EEA1: variants seen among roughly 807,000 people sequenced by gnomAD.
The protein encoded by EEA1 is early endosome antigen 1, 162kD.
A neutral mutation model predicts 209.2 loss-of-function variants in EEA1; 111 were observed. The observed-to-expected ratio is 0.53, with a 90% CI of 0.45 to 0.62. The LOEUF (loss-of-function observed/expected upper bound fraction) is 0.62. Ranked by LOEUF, EEA1 falls within the 20% of genes least tolerant of loss-of-function variation. The pLI, the probability that EEA1 is intolerant of heterozygous loss-of-function variation, is 0.00. For missense variants in EEA1, 1,343 were observed against 1,530.8 expected (o/e 0.88, Z 2.05); for synonymous variants, 536 against 540.6 (o/e 0.99, Z 0.12).
intron 3 of EEA1, chr12:92,858,810 C>T: frequency 1.3e-6 from 1 of 775,578 alleles, no homozygotes; most frequent in Non-Finnish European, 2.3e-6. Context: ...ATACAATCTA[C>T]CACCTATAGC....
chr12:92,862,332 A>C (rs570971621), intron 3 of EEA1, among the ~76,000 whole-genome samples: 2 of 152,230 alleles, frequency 1.3e-5, no homozygotes, highest in Non-Finnish European at 2.9e-5. Context: ...GCAGTGACTC[A>C]GGCCTGCAAT....
At chr12:92,874,397 G>C (rs912235072) in intron 2 of EEA1, among the ~76,000 whole-genome samples, 1 of 152,182 alleles carries the variant, frequency 6.6e-6, no homozygotes, top group Non-Finnish European at 1.5e-5. Context: ...ACAGAGTCTC[G>C]CTCTGTCACC....
At chr12:92,816,784 T>C (rs1875808078) in intron 14 of EEA1, among the ~76,000 whole-genome samples, 1 of 145,930 alleles carries the variant, frequency 6.9e-6, no homozygotes, top group Non-Finnish European at 1.5e-5. Flanking sequence ...TCCCATCCCA[T>C]CTCTAACTCC....
At chr12:92,892,908 G>A (rs1879713761) in intron 1 of EEA1, among the ~76,000 whole-genome samples, 1 of 152,150 alleles carries the variant, frequency 6.6e-6, no homozygotes, top group Admixed American at 6.5e-5. Context: ...GTGATTACAG[G>A]CATGAGCCAC....
At chr12:92,874,472 T>C (rs1442219437) in intron 2 of EEA1, among the ~76,000 whole-genome samples, 1 of 152,222 alleles carries the variant, frequency 6.6e-6, no homozygotes, top group African/African-American at 2.4e-5. Context: ...TTCAAGCGAT[T>C]CTCCTGCCTC....
At chr12:92,924,273 T>A (rs1282070292) in intron 1 of EEA1, among the ~76,000 whole-genome samples, 1 of 136,652 alleles carries the variant, frequency 7.3e-6, no homozygotes, top group South Asian at 2.5e-4. Flanking sequence ...AATGGCACAA[T>A]CTCGGCTCAC....
chr12:92,812,978 A>G lies in EEA1; in HGVS notation c.2043+2T>C. On this transcript the variant is annotated splice_donor_variant, in intron 16 of 28. Transcript: ENST00000322349. LOFTEE classifies it high-confidence loss of function. ...AGTATGAAATTGCATCTGTTTCCCTACCTGCTGTTTATCTTGTAATGCATT... is the reference window on the plus strand; with the variant it reads ...AGTATGAAATTGCATCTGTTTCCCTGCCTGCTGTTTATCTTGTAATGCATT... 7 of 1,562,134 alleles carry G rather than the reference A, an allele frequency of 4.5e-6. No homozygotes were observed. The highest frequency in any genetic ancestry group is 6.1e-6 in the Non-Finnish European group (7 of 1,145,746).
At chr12:92,799,766 A>C (rs890660436) in intron 20 of EEA1, among the ~76,000 whole-genome samples, 1 of 151,008 alleles carries the variant, frequency 6.6e-6, no homozygotes, top group African/African-American at 2.4e-5. Context: ...CAGCCTGGGC[A>C]ACAGAGCAAG....
intron 6 of EEA1, 52 bp from the exon 7 acceptor site, chr12:92,853,077 A>G (rs1877709380): frequency 1.8e-6 from 2 of 1,138,578 alleles, no homozygotes; most frequent in Non-Finnish European, 2.6e-6. Context: ...ACATATGCTA[A>G]ATTGTTATTA....
intron 1 of EEA1, among the ~76,000 whole-genome samples, chr12:92,896,405 G>A (rs965053861): frequency 6.6e-6 from 1 of 152,154 alleles, no homozygotes; most frequent in East Asian, 1.9e-4. Flanking sequence ...TGACAACAAA[G>A]AATTTAGAAT....
intron 11 of EEA1, among the ~76,000 whole-genome samples, chr12:92,830,932 G>A (rs1876597068): frequency 6.6e-6 from 1 of 152,214 alleles, no homozygotes; most frequent in African/African-American, 2.4e-5. Context: ...TGGTTTAAGA[G>A]TGAGACAAGG....
At chr12:92,829,132 G>C (rs535128194) in intron 11 of EEA1, among the ~76,000 whole-genome samples, 19 of 152,170 alleles carry the variant, frequency 1.2e-4, no homozygotes, top group Admixed American at 1.2e-3. Flanking sequence ...AGTAAATGAG[G>C]GATGTGTCTT....
In EEA1 at chr12:92,929,239, G is replaced by A. The variant is rs1481006707; in HGVS notation, c.-173C>T. The A allele has an allele frequency of 1.7e-5, 9 of 540,380 alleles. No individual in the cohort carries two copies. Among genetic ancestry groups the A allele is most frequent in the Non-Finnish European group, 2.8e-5 (9 of 319,416 alleles). 33.5% of individuals were successfully genotyped at this position (540,380 alleles called of 1,614,324 possible). A position where few individuals can be genotyped will look rare whatever the true frequency, so the allele number is the denominator to read the frequency against. ...CGGCCCCGACTTCCCCACAGGCGGC[G>A]AGAGGGAGCACGCGAGAGAGAGCGA... On this transcript the variant is annotated 5_prime_UTR_variant, in exon 1 of 29. Transcript: ENST00000322349.
At chr12:92,828,773 C>T (rs1420717774) in intron 11 of EEA1, among the ~76,000 whole-genome samples, 1 of 152,080 alleles carries the variant, frequency 6.6e-6, no homozygotes, top group Non-Finnish European at 1.5e-5. Flanking sequence ...TCTTACAACA[C>T]TTTCCTGCCA....
intron 5 of EEA1, among the ~76,000 whole-genome samples, chr12:92,856,475 A>T (rs539092216): frequency 1.3e-3 from 204 of 152,262 alleles, no homozygotes; most frequent in African/African-American, 4.8e-3. Flanking sequence ...GTGTGCATGT[A>T]TGTACAAATA....
chr12:92,787,085 T>C (rs1874167292), intron 22 of EEA1, among the ~76,000 whole-genome samples: 1 of 152,172 alleles, frequency 6.6e-6, no homozygotes. Flanking sequence ...GGATAAAATA[T>C]ATGCTCCCTA....
At chr12:92,858,753 G>T (rs1878000160) in intron 3 of EEA1, 1 of 764,668 alleles carries the variant, frequency 1.3e-6, no homozygotes, top group Admixed American at 1.7e-5. Flanking sequence ...ATGCCCTAAA[G>T]GAGAAAGTCA....
At chr12:92,834,656 T>C (rs965565727) in intron 10 of EEA1, among the ~76,000 whole-genome samples, 12 of 151,812 alleles carry the variant, frequency 7.9e-5, no homozygotes, top group African/African-American at 2.9e-4. Context: ...ACAAGATGTG[T>C]GCTTTGACTA....
At chr12:92,851,646 T>A (rs1265757597) in intron 8 of EEA1, among the ~76,000 whole-genome samples, 1 of 152,166 alleles carries the variant, frequency 6.6e-6, no homozygotes. Context: ...TAGAGTTTGC[T>A]CCAGGTTGGA....
Sources: gnomAD v4.1 joint callset for allele counts (sites outside exome capture counted in the v4.1 genomes callset) on GRCh38, gnomAD v4.1.1 for gene constraint, MANE v1.5 for transcripts, NCBI Gene and HGNC (gene_info 2026-07-23, HGNC 2026-07-21) for gene names.